MICAL1: variants seen among roughly 807,000 people sequenced by gnomAD.
MICAL1 encodes the protein microtubule associated monooxygenase, calponin and LIM domain containing 1.
MICAL1 carries 95 observed loss-of-function variants against 131.8 expected under a neutral mutation model. The ratio of observed to expected loss-of-function variants is 0.72; its 90% CI spans 0.61 to 0.86. The LOEUF (loss-of-function observed/expected upper bound fraction) is 0.86. Ranked by LOEUF, MICAL1 falls within the 40% of genes least tolerant of loss-of-function variation. The pLI is 0.00. For synonymous variants in MICAL1, 546 were observed against 554.2 expected (o/e 0.99, Z 0.21); for missense variants, 1,292 against 1,380.6 (o/e 0.94, Z 1.02).
At chr6:109,465,516 A>C (rs1776011513) in intron 1 of MICAL1, 1 of 880,834 alleles carries the variant, frequency 1.1e-6, no homozygotes, top group Non-Finnish European at 1.7e-6. Context: ...GGTTGGCAAG[A>C]CCATAACCTA....
chr6:109,446,427 A>AAG lies in MICAL1; in HGVS notation c.2305-16_2305-15insCT, dbSNP rs376129918. 1.2e-6 allele frequency: 1 copy of AAG among 824,998 alleles called. No individual in the cohort carries two copies. The highest frequency in any genetic ancestry group is 1.6e-6 in the Non-Finnish European group (1 of 631,732). The allele number at this position is 824,998 out of a possible 1,614,324, so 51.1% of individuals were successfully genotyped here. A position where few individuals can be genotyped will look rare whatever the true frequency, so the allele number is the denominator to read the frequency against. ...GTGGGGAGCTCCTGGAAAAGCCACC[A>AAG]TGTGGAGTGAGGTCGGGGGGTGAGG... On this transcript the variant is annotated splice_polypyrimidine_tract_variant and intron_variant, in intron 18 of 24. Coordinates refer to ENST00000358807, the MANE Select transcript of MICAL1 (RefSeq NM_022765.4).
At chr6:109,462,621 C>T (rs1775915723) in intron 1 of MICAL1, 1 of 152,196 alleles carries the variant, frequency 6.6e-6, no homozygotes, top group Admixed American at 6.5e-5. Context: ...ATCATTTAAT[C>T]TGTTGCTCAC....
At chr6:109,456,157 C>T, upstream of MICAL1, among the ~76,000 whole-genome samples, 1 of 152,190 alleles carries the variant, frequency 6.6e-6, no homozygotes, top group South Asian at 2.1e-4. Context: ...GGTGCTTGCG[C>T]GTGCAAGGCT....
exon 1 of MICAL1, chr6:109,465,679 C>T: frequency 6.3e-7 from 1 of 1,591,586 alleles, no homozygotes. Flanking sequence ...ACAAGACATA[C>T]ACACATCTTG....
chr6:109,453,925 CACCGTGTA>C lies in MICAL1; in HGVS notation c.258+6_258+13del. 6.2e-7 allele frequency: 1 copy of C among 1,611,556 alleles called. No homozygotes were observed. The highest frequency in any genetic ancestry group is 8.5e-7 in the Non-Finnish European group (1 of 1,178,214). On this transcript the variant is annotated splice_donor_region_variant and intron_variant, in intron 2 of 24. Coordinates refer to ENST00000358807, the MANE Select transcript of MICAL1 (RefSeq NM_022765.4). ...CGCATGCTCCACACCCCATCCCAGGCACCGTGTATCCACCTTGGTGCTGGTGCAGGCCC... is the reference window on the plus strand; with the variant it reads ...CGCATGCTCCACACCCCATCCCAGGCTCCACCTTGGTGCTGGTGCAGGCCC...
chr6:109,447,189 A>G lies in MICAL1; in HGVS notation c.2111T>C (p.Leu704Pro). ...GACACAGAGGCGTTCCAGGACATAG[A>G]GGTGTTCCCCACAAAGTGCACACAG... ...GDLCALCGEH[L>P]YVLERLCVNG... The change falls in exon 17 of 25, where the codon CTC becomes CCC. Residue 704 changes from leucine to proline, a missense_variant. Leu to Pro is a moderately conservative substitution (Grantham distance 98, BLOSUM62 -3). Transcript: ENST00000358807. 1 of 1,614,124 alleles carries G rather than the reference A, an allele frequency of 6.2e-7. No individual in the cohort carries two copies. The highest frequency in any genetic ancestry group is 8.5e-7 in the Non-Finnish European group (1 of 1,179,966).
exon 1 of MICAL1, chr6:109,465,913 C>T: frequency 6.2e-7 from 1 of 1,614,144 alleles, no homozygotes; most frequent in Non-Finnish European, 8.5e-7. Flanking sequence ...GGTGGCGGAC[C>T]AGGCTCCTGT....
chr6:109,450,150 T>G, intron 8 of MICAL1, 65 bp from the exon 9 acceptor site: 1 of 1,578,470 alleles, frequency 6.3e-7, no homozygotes, highest in South Asian at 1.2e-5. Flanking sequence ...CAAGCCCAGA[T>G]ATCCACCCAG....
At chr6:109,448,453 G>A in intron 12 of MICAL1, 60 bp from the exon 13 acceptor site, 1 of 1,581,850 alleles carries the variant, frequency 6.3e-7, no homozygotes, top group Middle Eastern at 1.7e-4. Flanking sequence ...ACTGAGGGGA[G>A]GAAGGGCAGC....
chr6:109,448,476 A>C, intron 12 of MICAL1, 83 bp from the exon 13 acceptor site: 1 of 1,500,394 alleles, frequency 6.7e-7, no homozygotes, highest in East Asian at 2.3e-5. Flanking sequence ...GAGGGGAGGG[A>C]CAGCAAGCAG....
Position 109,445,259 on chromosome 6 carries a change from G to C in MICAL1, c.2819C>G (p.Ala940Gly). 6.2e-7 allele frequency: 1 copy of C among 1,614,132 alleles called. No individual in the cohort carries two copies. Among genetic ancestry groups the C allele is most frequent in the Non-Finnish European group, 8.5e-7 (1 of 1,180,044 alleles). The change falls in exon 22 of 25, where the codon GCT becomes GGT. Residue 940 changes from alanine to glycine, a missense_variant. Transcript: ENST00000358807. ...CTCGGCCTCTAGCTCCCTCAAGGCAGCCTCAATCTCATTTAGTCGCCGTTG... is the reference window on the plus strand; with the variant it reads ...CTCGGCCTCTAGCTCCCTCAAGGCACCCTCAATCTCATTTAGTCGCCGTTG... ...TIQRRLNEIE[A>G]ALRELEAEGV...
chr6:109,456,383 A>G (rs1353444050), upstream of MICAL1, among the ~76,000 whole-genome samples: 3 of 152,208 alleles, frequency 2.0e-5, no homozygotes, highest in African/African-American at 7.2e-5. Context: ...ATCCAAGCGC[A>G]GAGTGCGCCT....
chr6:109,461,468 G>C (rs2115348579), intron 1 of MICAL1, among the ~76,000 whole-genome samples: 1 of 152,212 alleles, frequency 6.6e-6, no homozygotes, highest in African/African-American at 2.4e-5. Context: ...ATTGTATGCA[G>C]GTGGCACATG....
intron 3 of MICAL1, 38 bp downstream of exon 3, chr6:109,453,600 A>G (rs771326120): frequency 6.4e-7 from 1 of 1,554,314 alleles, no homozygotes; most frequent in South Asian, 1.2e-5. Flanking sequence ...TCTAGGCCCA[A>G]GCTCACCCGC....
Position 109,448,316 on chromosome 6 carries a change from C to T in MICAL1, c.1742G>A (p.Gly581Asp). Residue 581 changes from glycine to aspartate, a missense_variant, in exon 13 of 25, where the codon GGC becomes GAC. Transcript: ENST00000358807. The part of the protein sequence containing the change: ...WALKVAENEL[G>D]ITPVVSAQAV... ...CTGTGCAGACACCACCGGTGTGATGCCCAGCTCATTCTCTGCCACCTTTAG... is the reference window on the plus strand; with the variant it reads ...CTGTGCAGACACCACCGGTGTGATGTCCAGCTCATTCTCTGCCACCTTTAG... The T allele has an allele frequency of 2.5e-6, 4 of 1,613,996 alleles. No individual in the cohort carries two copies. The highest frequency in any genetic ancestry group is 3.4e-6 in the Non-Finnish European group (4 of 1,180,016).
rs1375994751 is a variant in MICAL1, at chr6:109,455,664, C to CCACCT, written c.-44+50_-44+54dup. 1.0e-6 allele frequency: 1 copy of CCACCT among 981,092 alleles called. No homozygotes were observed. Among genetic ancestry groups the CCACCT allele is most frequent in the Non-Finnish European group, 1.2e-6 (1 of 826,138 alleles). The allele number at this position is 981,092 out of a possible 1,614,324, so 60.8% of individuals were successfully genotyped here. On this transcript the variant is annotated intron_variant, in intron 1 of 24. Coordinates refer to ENST00000358807, the MANE Select transcript of MICAL1 (RefSeq NM_022765.4). The surrounding 1 kb of genome is among the most constrained non-coding windows in gnomAD (Gnocchi z 4.7). ...AGCTGCGTTTCCCCGGAAGCGCACCCCACCTCACCCCACCCGGCCGCGGGG... is the reference window on the plus strand; with the variant it reads ...AGCTGCGTTTCCCCGGAAGCGCACCCCACCTCACCTCACCCCACCCGGCCGCGGGG...
chr6:109,452,217 A>G (rs923813094), intron 6 of MICAL1, 29 bp downstream of exon 6: 2 of 1,590,816 alleles, frequency 1.3e-6, no homozygotes, highest in Non-Finnish European at 8.6e-7. Flanking sequence ...AGGCAGGGGG[A>G]GGGGAAATTC....
At position 109,446,120 on chromosome 6, in the gene MICAL1, T is replaced by G; in HGVS notation, c.2581+16A>C. 1 of 1,484,194 alleles carries G rather than the reference T, an allele frequency of 6.7e-7. No homozygotes were observed. The highest frequency in any genetic ancestry group is 9.0e-7 in the Non-Finnish European group (1 of 1,110,742). 91.9% of individuals were successfully genotyped at this position (1,484,194 alleles called of 1,614,324 possible). ...CTGTCCCACCCTGGGTCAGCACATCTGTGAGGATGGGTTACCTTGAGGGCT... is the reference window on the plus strand; with the variant it reads ...CTGTCCCACCCTGGGTCAGCACATCGGTGAGGATGGGTTACCTTGAGGGCT... On this transcript the variant is annotated intron_variant, in intron 19 of 24. Transcript: ENST00000358807.
chr6:109,454,044 G>A lies in MICAL1; in HGVS notation c.153C>T (p.Ile51=). 1 of 1,614,158 alleles carries A rather than the reference G, an allele frequency of 6.2e-7. No individual in the cohort carries two copies. Among genetic ancestry groups the A allele is most frequent in the Non-Finnish European group, 8.5e-7 (1 of 1,180,048 alleles). ...PGGGLPQYHK[I]KDQLNYWSAK... ...CGCTCCAGTAGTTGAGCTGGTCCTT[G>A]ATCTTGTGGTACTGGGGCAGCCCCC... is the stretch of plus-strand genomic sequence containing the variant. The change falls in exon 2 of 25, where the codon ATC becomes ATT. Residue 51 remains isoleucine, a synonymous_variant. Coordinates refer to ENST00000358807, the MANE Select transcript of MICAL1 (RefSeq NM_022765.4).
Sources: allele counts gnomAD v4.1 joint callset (sites outside exome capture counted in the v4.1 genomes callset), GRCh38; gene constraint gnomAD v4.1.1; non-coding constraint Gnocchi (gnomAD v3.1); transcripts MANE v1.5; gene names NCBI Gene and HGNC (gene_info 2026-07-23, HGNC 2026-07-21).